The following ZNF385D variants were observed in gnomAD, a reference collection of about 807,000 sequenced individuals.
ZNF385D encodes the protein zinc finger protein 385D, also known as zinc finger protein 659.
ZNF385D carries 15 observed loss-of-function variants against 35.8 expected under a neutral mutation model. The observed-to-expected ratio is 0.42, with a 90% CI of 0.28 to 0.64. The LOEUF is 0.64. Among genes scored for constraint, ZNF385D ranks in the 30% least tolerant of loss-of-function variants. The pLI, the probability that ZNF385D is intolerant of heterozygous loss-of-function variation, is 0.23. For missense variants in ZNF385D, 474 were observed against 494.6 expected (o/e 0.96, Z 0.39); for synonymous variants, 212 against 186.8 (o/e 1.13, Z -1.10).
intron 3 of ZNF385D, among the ~76,000 whole-genome samples, chr3:21,899,321 A>G (rs1699289038): frequency 6.6e-6 from 1 of 152,166 alleles, no homozygotes; most frequent in African/African-American, 2.4e-5. Flanking sequence ...ATATATAAAT[A>G]AAATCAAGAT....
chr3:22,231,315 A>G (rs988374876), intron 2 of ZNF385D, among the ~76,000 whole-genome samples: 1 of 152,148 alleles, frequency 6.6e-6, no homozygotes, highest in Non-Finnish European at 1.5e-5. Flanking sequence ...ATTATAAGCA[A>G]AAAGACTATT....
At chr3:21,990,777 A>G (rs1695104950) in intron 3 of ZNF385D, among the ~76,000 whole-genome samples, 1 of 152,196 alleles carries the variant, frequency 6.6e-6, no homozygotes, top group African/African-American at 2.4e-5. Context: ...TGAAACACTT[A>G]TTGCTAACTC....
At chr3:21,851,049 A>G (rs1575775436) in intron 3 of ZNF385D, among the ~76,000 whole-genome samples, 2 of 152,094 alleles carry the variant, frequency 1.3e-5, no homozygotes, top group East Asian at 3.9e-4. Flanking sequence ...GAAAGATAAA[A>G]TCAAAGGACA....
chr3:21,676,563 T>A (rs1457108052), intron 1 of ZNF385D, among the ~76,000 whole-genome samples: 2 of 152,116 alleles, frequency 1.3e-5, no homozygotes, highest in African/African-American at 4.8e-5. Context: ...AACCATATTT[T>A]ATTTTTATAA....
intron 3 of ZNF385D, among the ~76,000 whole-genome samples, chr3:21,932,084 G>A (rs920453225): frequency 2.0e-5 from 3 of 148,394 alleles, no homozygotes; most frequent in African/African-American, 7.6e-5. Flanking sequence ...GGAGAATGGT[G>A]TGAATCCTGG....
At chr3:21,444,914 G>A (rs909873458) in intron 4 of ZNF385D, among the ~76,000 whole-genome samples, 2 of 152,170 alleles carry the variant, frequency 1.3e-5, no homozygotes, top group African/African-American at 4.8e-5. Flanking sequence ...AAGAGGTGGT[G>A]ATCAGGACCA....
chr3:22,250,817 CTG>C (rs1233367210), intron 2 of ZNF385D, among the ~76,000 whole-genome samples: 1 of 152,074 alleles, frequency 6.6e-6, no homozygotes, highest in African/African-American at 2.4e-5. Flanking sequence ...TAGAGTGAAT[CTG>C]TGGGTACCTC....
chr3:22,168,163 T>C (rs2125756134), intron 3 of ZNF385D, among the ~76,000 whole-genome samples: 1 of 152,278 alleles, frequency 6.6e-6, no homozygotes, highest in African/African-American at 2.4e-5. Flanking sequence ...GTGAGTTAGC[T>C]CTCTAAAGTC....
At chr3:22,061,226 G>C (rs1230129577) in intron 3 of ZNF385D, among the ~76,000 whole-genome samples, 1 of 152,142 alleles carries the variant, frequency 6.6e-6, no homozygotes, top group African/African-American at 2.4e-5. Flanking sequence ...TCAGCAGTGA[G>C]CATAAAGTAT....
intron 2 of ZNF385D, among the ~76,000 whole-genome samples, chr3:22,339,291 C>T (rs1695317492): frequency 6.6e-6 from 1 of 152,140 alleles, no homozygotes; most frequent in Admixed American, 6.5e-5. Flanking sequence ...TAAGTAAATA[C>T]TTGAAAACTA....
intron 3 of ZNF385D, among the ~76,000 whole-genome samples, chr3:22,079,918 G>A (rs556212627): frequency 1.3e-5 from 2 of 151,872 alleles, no homozygotes; most frequent in Admixed American, 6.6e-5. Context: ...GTATGTATAT[G>A]TGTGTACATA....
rs1700578285 is a variant in ZNF385D at position 21,417,452 on chromosome 3, T to C, written c.*3762A>G. On this transcript the variant is annotated 3_prime_UTR_variant, in exon 8 of 8. Coordinates refer to ENST00000281523, the MANE Select transcript of ZNF385D (RefSeq NM_024697.3). ...ATTAATACAATGTCATCCATGCTTA[T>C]GTATAGAAAGGTAATTTTCTACTTC... is the stretch of plus-strand genomic sequence containing the variant. 1 of 152,140 alleles carries C rather than the reference T, an allele frequency of 6.6e-6. No individual in the cohort carries two copies. Among genetic ancestry groups the C allele is most frequent in the South Asian group, 2.1e-4 (1 of 4,830 alleles). 9.4% of individuals were successfully genotyped at this position (152,140 alleles called of 1,614,324 possible). A position where few individuals can be genotyped will look rare whatever the true frequency, so the allele number is the denominator to read the frequency against.
chr3:21,980,738 C>T (rs1345530102), intron 3 of ZNF385D, among the ~76,000 whole-genome samples: 1 of 152,102 alleles, frequency 6.6e-6, no homozygotes, highest in East Asian at 1.9e-4. Context: ...TCAACCAGAC[C>T]ACAGTGTCTG....
chr3:22,227,465 G>T (rs1698630515), intron 2 of ZNF385D, among the ~76,000 whole-genome samples: 1 of 152,162 alleles, frequency 6.6e-6, no homozygotes, highest in South Asian at 2.1e-4. Context: ...GACATGCCTT[G>T]CTGTGTTTAG....
intron 3 of ZNF385D, among the ~76,000 whole-genome samples, chr3:21,821,201 C>T (rs556802506): frequency 5.3e-5 from 8 of 151,612 alleles, no homozygotes; most frequent in African/African-American, 9.7e-5. Context: ...GGTAAAATTA[C>T]AGAAAAGTCT....
At chr3:21,536,060 C>T (rs982999898) in intron 3 of ZNF385D, among the ~76,000 whole-genome samples, 5 of 124,138 alleles carry the variant, frequency 4.0e-5, no homozygotes, top group African/African-American at 1.5e-4. Flanking sequence ...CAAGGTTAGG[C>T]ACTGCCAAAG....
chr3:21,571,795 TGTAA>T (rs2063342465), intron 2 of ZNF385D, among the ~76,000 whole-genome samples: 1 of 152,136 alleles, frequency 6.6e-6, no homozygotes, highest in Non-Finnish European at 1.5e-5. Flanking sequence ...ATAATTTTAT[TGTAA>T]AGGACACGAT....
intron 1 of ZNF385D, among the ~76,000 whole-genome samples, chr3:21,665,536 G>A (rs1184898030): frequency 1.3e-5 from 2 of 152,168 alleles, no homozygotes; most frequent in African/African-American, 4.8e-5. Flanking sequence ...TCAGGCAGCT[G>A]TACCTTACTG....
intron 2 of ZNF385D, among the ~76,000 whole-genome samples, chr3:22,206,866 A>G (rs1697192157): frequency 6.6e-6 from 1 of 151,908 alleles, no homozygotes; most frequent in Admixed American, 6.6e-5. Flanking sequence ...AAAGTACAAG[A>G]AAAGAGCAAA....
Sources: allele counts gnomAD v4.1 joint callset (sites outside exome capture counted in the v4.1 genomes callset), GRCh38; gene constraint gnomAD v4.1.1; transcripts MANE v1.5; gene names NCBI Gene and HGNC (gene_info 2026-07-23, HGNC 2026-07-21).